Variants in VPS41 observed in about 807,000 individuals in gnomAD.
VPS41 encodes VPS41 subunit of HOPS complex, also known as vacuolar protein sorting-associated protein 41 homolog.
In VPS41, 85 loss-of-function variants were observed where a neutral mutation model predicts 130.9. The ratio of observed to expected loss-of-function variants is 0.65; its 90% CI spans 0.55 to 0.78. The LOEUF is 0.78. Ranked by LOEUF, VPS41 falls within the 30% of genes least tolerant of loss-of-function variation. VPS41 has a pLI of 0.00. For synonymous variants in VPS41, 335 were observed against 332.9 expected, an observed-to-expected ratio of 1.01 and a Z score of -0.07; for missense variants, 874 against 1,018.7, an observed-to-expected ratio of 0.86 and a Z score of 1.93.
chr7:38,896,278 A>G (rs1425052911), intron 2 of VPS41, among the ~76,000 whole-genome samples: 2 of 152,198 alleles, frequency 1.3e-5, no homozygotes, highest in Non-Finnish European at 2.9e-5. Context: ...AGATTTCCAA[A>G]ATAAGGTAAC....
chr7:38,803,366 A>G (rs1289564840), intron 7 of VPS41, among the ~76,000 whole-genome samples: 1 of 152,188 alleles, frequency 6.6e-6, no homozygotes, highest in Admixed American at 6.5e-5. Flanking sequence ...TACTGACCAC[A>G]CTGCTAGCTT....
At chr7:38,893,475 C>G (rs1786909876) in intron 2 of VPS41, among the ~76,000 whole-genome samples, 1 of 152,240 alleles carries the variant, frequency 6.6e-6, no homozygotes. Context: ...CTTAATGCTT[C>G]AAAATAGGAG....
chr7:38,745,719 T>C lies in VPS41; in HGVS notation c.1927-106A>G, dbSNP rs572151087. 5.4e-4 allele frequency: 471 copies of C among 864,478 alleles called. 5 individuals are homozygous for C. Among genetic ancestry groups the C allele is most frequent in the South Asian group, 1.1e-3 (78 of 69,066 alleles). The allele number at this position is 864,478 out of a possible 1,614,324, so 53.6% of individuals were successfully genotyped here. On this transcript the variant is annotated intron_variant, in intron 22 of 28. Transcript: ENST00000310301. Reference sequence around the variant, plus strand: ...TTGAAAGAATTTTTCCACAGCTTCTTTAAAAATAAAACAAAGCAAACAAAT... The same window carrying C: ...TTGAAAGAATTTTTCCACAGCTTCTCTAAAAATAAAACAAAGCAAACAAAT...
At position 38,862,580 on chromosome 7, in the gene VPS41, CAAGT is replaced by C; in HGVS notation, c.207_210del (p.Leu70MetfsTer12). On this transcript the variant is annotated frameshift_variant, in exon 4 of 29. Coordinates refer to ENST00000310301, the MANE Select transcript of VPS41 (RefSeq NM_014396.4). LOFTEE classifies it high-confidence loss of function. ...TTCTGAGTGATGTTCCCCTGGACATCAAGTAAATAAACCTTGCCATAATGTGTGC... is the reference window on the plus strand; with the variant it reads ...TTCTGAGTGATGTTCCCCTGGACATCAAATAAACCTTGCCATAATGTGTGC... The C allele has an allele frequency of 6.2e-7, 1 of 1,610,178 alleles. No homozygotes were observed. The highest frequency in any genetic ancestry group is 8.5e-7 in the Non-Finnish European group (1 of 1,178,104).
intron 14 of VPS41, 48 bp from the exon 15 acceptor site, chr7:38,767,646 G>T: frequency 1.4e-6 from 2 of 1,433,242 alleles, no homozygotes; most frequent in Non-Finnish European, 2.0e-6. Context: ...TGAAACAACT[G>T]AAAAGTTGAG....
rs187569736 is a variant in VPS41 at position 38,763,396 on chromosome 7, A to G, written c.1422+59T>C. ...GCATTGCTCCATTGTATTCCTTTCT[A>G]GATTTCCTAACACCTCCCATCGAGA... On this transcript the variant is annotated intron_variant, in intron 17 of 28. Transcript: ENST00000310301. 118 of 1,214,338 alleles carry G rather than the reference A, an allele frequency of 9.7e-5. 1 individual carries two copies. In the East Asian group the frequency reaches 2.6e-3, roughly 26 times the overall value. The allele number at this position is 1,214,338 out of a possible 1,614,324, so 75.2% of individuals were successfully genotyped here.
chr7:38,818,131 G>A (rs1785095983), intron 6 of VPS41, among the ~76,000 whole-genome samples: 1 of 152,060 alleles, frequency 6.6e-6, no homozygotes, highest in Admixed American at 6.6e-5. Flanking sequence ...TTCTGGCTGA[G>A]GACCCCTATA....
chr7:38,843,157 C>T (rs943311799), intron 4 of VPS41, among the ~76,000 whole-genome samples: 2 of 151,954 alleles, frequency 1.3e-5, no homozygotes, highest in African/African-American at 4.8e-5. Context: ...ATGATAAAGC[C>T]TCAATTAAGT....
At position 38,772,645 on chromosome 7, in the gene VPS41, T is replaced by G. The variant is rs1020288823; in HGVS notation, c.1013-8A>C. On this transcript the variant is annotated splice_region_variant and splice_polypyrimidine_tract_variant and intron_variant, in intron 12 of 28. Transcript: ENST00000310301. ...ATTCCCCTTCAGAGTATTCTGTAGG[T>G]GAGAAAAGAGAGGAACGACTTGGTG... 2.5e-6 allele frequency: 4 copies of G among 1,586,736 alleles called. No individual in the cohort carries two copies. Among genetic ancestry groups the G allele is most frequent in the Admixed American group, 1.7e-5 (1 of 59,460 alleles).
At chr7:38,784,917 A>G (rs1234032276) in intron 10 of VPS41, among the ~76,000 whole-genome samples, 1 of 152,220 alleles carries the variant, frequency 6.6e-6, no homozygotes, top group Non-Finnish European at 1.5e-5. Context: ...AATGCTACCC[A>G]GATTTCTTTA....
intron 4 of VPS41, among the ~76,000 whole-genome samples, chr7:38,831,757 T>C (rs1785391044): frequency 6.6e-6 from 1 of 152,198 alleles, no homozygotes; most frequent in South Asian, 2.1e-4. Context: ...CATCTCACAA[T>C]GAGGAAAATG....
intron 4 of VPS41, among the ~76,000 whole-genome samples, chr7:38,861,302 T>C (rs1051165914): frequency 2.6e-5 from 4 of 151,962 alleles, no homozygotes; most frequent in African/African-American, 9.7e-5. Context: ...AACCACACAG[T>C]CAATCTTTTT....
chr7:38,837,915 A>G (rs1279603010), intron 4 of VPS41, among the ~76,000 whole-genome samples: 1 of 152,226 alleles, frequency 6.6e-6, no homozygotes, highest in East Asian at 1.9e-4. Context: ...AATATATGGC[A>G]AGGTAGGAAA....
intron 7 of VPS41, among the ~76,000 whole-genome samples, chr7:38,808,097 G>C (rs536593481): frequency 1.3e-5 from 2 of 152,062 alleles, no homozygotes; most frequent in African/African-American, 4.8e-5. Flanking sequence ...TGAGACAATG[G>C]GAATCATAAA....
At chr7:38,814,941 T>C (rs1300091341) in intron 7 of VPS41, among the ~76,000 whole-genome samples, 1 of 152,334 alleles carries the variant, frequency 6.6e-6, no homozygotes, top group African/African-American at 2.4e-5. Context: ...TCTTAGAACC[T>C]GACCTTCCAG....
chr7:38,867,865 C>T (rs1266647507), intron 3 of VPS41, among the ~76,000 whole-genome samples: 4 of 152,060 alleles, frequency 2.6e-5, no homozygotes, highest in African/African-American at 9.6e-5. Context: ...AGGGGCACAA[C>T]GGGAAGACAG....
At chr7:38,788,759 G>A (rs1253729438) in intron 10 of VPS41, among the ~76,000 whole-genome samples, 4 of 151,932 alleles carry the variant, frequency 2.6e-5, no homozygotes, top group African/African-American at 9.7e-5. Flanking sequence ...TAAGCAATCT[G>A]AACTATGTAG....
intron 22 of VPS41, among the ~76,000 whole-genome samples, chr7:38,749,423 G>A (rs1245855959): frequency 1.3e-5 from 2 of 152,298 alleles, no homozygotes; most frequent in Admixed American, 1.3e-4. Context: ...AAATTAGAAA[G>A]ATATAGTGTT....
rs1279178377 is a variant in VPS41, at chr7:38,723,945, A to G, written c.*2301T>C. 1 of 152,104 alleles carries G rather than the reference A, an allele frequency of 6.6e-6. No individual in the cohort carries two copies. The highest frequency in any genetic ancestry group is 1.9e-4 in the East Asian group (1 of 5,196). 9.4% of individuals were successfully genotyped at this position (152,104 alleles called of 1,614,324 possible). On this transcript the variant is annotated 3_prime_UTR_variant, in exon 29 of 29. Coordinates refer to ENST00000310301, the MANE Select transcript of VPS41 (RefSeq NM_014396.4). ...AAAAAGGATTGAATATCCTTTAATA[A>G]ATCACCCAATACTGTTTATTCAAAA... is the stretch of plus-strand genomic sequence containing the variant.
Sources: allele counts gnomAD v4.1 joint callset (sites outside exome capture counted in the v4.1 genomes callset), GRCh38; gene constraint gnomAD v4.1.1; transcripts MANE v1.5; gene names NCBI Gene and HGNC (gene_info 2026-07-23, HGNC 2026-07-21).